The following BTBD9 variants were observed in gnomAD, a reference collection of about 807,000 sequenced individuals.
BTBD9 encodes BTB/POZ domain-containing protein 9.
Under a neutral mutation model 64.3 loss-of-function variants are expected in BTBD9, and 49 were observed. That is an observed-to-expected ratio of 0.76 (90% CI 0.61 to 0.97). The LOEUF is 0.97. Ranked by LOEUF, BTBD9 falls within the 50% of genes least tolerant of loss-of-function variation. The probability of loss-of-function intolerance (pLI) is 0.00; values close to 1 mark genes in which losing one functional copy is unlikely to be tolerated. For synonymous variants in BTBD9, 260 were observed against 274.7 expected (o/e 0.95, Z 0.53); for missense variants, 598 against 762.1 (o/e 0.78, Z 2.53).
chr6:38,350,188 T>C (rs925165907), intron 6 of BTBD9, among the ~76,000 whole-genome samples: 2 of 152,210 alleles, frequency 1.3e-5, no homozygotes, highest in Admixed American at 6.5e-5. Flanking sequence ...GACAGCATAG[T>C]ACTATGACCT....
intron 6 of BTBD9, among the ~76,000 whole-genome samples, chr6:38,412,756 G>C (rs924774357): frequency 6.6e-6 from 1 of 152,110 alleles, no homozygotes; most frequent in Non-Finnish European, 1.5e-5. Context: ...CTATTCAGGA[G>C]GCTGAGGCTG....
chr6:38,541,183 CT>C (rs1325814369), intron 6 of BTBD9, among the ~76,000 whole-genome samples: 1 of 152,006 alleles, frequency 6.6e-6, no homozygotes, highest in Non-Finnish European at 1.5e-5. Context: ...TAGGCCTCCC[CT>C]CATATAAAAA....
rs560333473 is a variant in BTBD9 at position 38,443,683 on chromosome 6, T to G, written c.1155-98590A>C. On this transcript the variant is annotated intron_variant, in intron 6 of 10. Coordinates refer to ENST00000481247, the MANE Select transcript of BTBD9 (RefSeq NM_001099272.2). ...CACTCATTTCCACCTCTTACCCACA[T>G]GCACACATCCAATTAATCGCCAAGT... is the stretch of plus-strand genomic sequence containing the variant. Among the ~76,000 whole-genome samples the G allele has an allele frequency of 1.2e-4, 18 of 152,322 alleles. No homozygotes were observed. The South Asian group carries it at 3.3e-3, about 28-fold the overall frequency.
rs1308157386 is a variant in BTBD9, at chr6:38,175,007, G to C, written c.1817C>G (p.Ser606Cys). Reference sequence around the variant, plus strand: ...CCTTTATTGGTGCTGCCGGTTGGGGGAGCGTGAGTTGGAGCCTGGGCTGGA... The same window carrying C: ...CCTTTATTGGTGCTGCCGGTTGGGGCAGCGTGAGTTGGAGCCTGGGCTGGA... ...LPSSPGSNSR[S>C]PNRQHQ is the part of the protein sequence containing the mutation. The change falls in exon 11 of 11, where the codon TCC becomes TGC. Residue 606 changes from serine to cysteine, a missense_variant. Coordinates refer to ENST00000481247, the MANE Select transcript of BTBD9 (RefSeq NM_001099272.2). The C allele has an allele frequency of 6.2e-7, 1 of 1,613,908 alleles. No individual in the cohort carries two copies. The highest frequency in any genetic ancestry group is 2.2e-5 in the East Asian group (1 of 44,902).
intron 8 of BTBD9, among the ~76,000 whole-genome samples, chr6:38,265,489 A>G (rs1764940544): frequency 6.6e-6 from 1 of 150,666 alleles, no homozygotes; most frequent in Non-Finnish European, 1.5e-5. Context: ...AGACAATACA[A>G]AACTACCAAT....
At chr6:38,587,094 G>A (rs1458022782) in intron 4 of BTBD9, among the ~76,000 whole-genome samples, 1 of 151,790 alleles carries the variant, frequency 6.6e-6, no homozygotes, top group African/African-American at 2.4e-5. Context: ...AATTTACTTA[G>A]AAAATAACCT....
intron 1 of BTBD9, among the ~76,000 whole-genome samples, chr6:38,599,331 G>C (rs1416546072): frequency 6.6e-6 from 1 of 152,128 alleles, no homozygotes; most frequent in African/African-American, 2.4e-5. Flanking sequence ...TGTTGCCCAG[G>C]CTGTAGTGCA....
At chr6:38,176,631 T>C (rs1253518481) in intron 10 of BTBD9, among the ~76,000 whole-genome samples, 1 of 152,170 alleles carries the variant, frequency 6.6e-6, no homozygotes, top group Non-Finnish European at 1.5e-5. Context: ...CTGCAGGGCT[T>C]ACCAGTCAAC....
chr6:38,406,714 T>C (rs779071155), intron 6 of BTBD9, among the ~76,000 whole-genome samples: 2 of 152,132 alleles, frequency 1.3e-5, no homozygotes, highest in African/African-American at 2.4e-5. Context: ...GTGAGGAAGG[T>C]AGGACAAAGT....
chr6:38,581,666 A>G (rs1005872778), intron 4 of BTBD9, among the ~76,000 whole-genome samples: 1 of 152,216 alleles, frequency 6.6e-6, no homozygotes, highest in Non-Finnish European at 1.5e-5. Flanking sequence ...GAGCTTGAAG[A>G]GTCAGAGATT....
rs192833774 is a variant in BTBD9 at position 38,536,662 on chromosome 6, T to A, written c.1154+40938A>T. 2.1e-4 allele frequency among the ~76,000 whole-genome samples: 32 copies of A among 152,236 alleles called. No homozygotes were observed. In the East Asian group the frequency reaches 5.6e-3, roughly 27 times the overall value. ...GCCATAAAAAAAGAATAAGATCCTA[T>A]CATTTGCACAACATGGATGAGGTTA... On this transcript the variant is annotated intron_variant, in intron 6 of 10. Coordinates refer to ENST00000481247, the MANE Select transcript of BTBD9 (RefSeq NM_001099272.2).
rs1777112079 is a variant in BTBD9 at position 38,598,110 on chromosome 6, A to G, written c.-16T>C. 6.2e-7 allele frequency: 1 copy of G among 1,609,504 alleles called. No individual in the cohort carries two copies. The highest frequency in any genetic ancestry group is 1.7e-5 in the Admixed American group (1 of 59,570). On this transcript the variant is annotated 5_prime_UTR_variant, in exon 2 of 11. Coordinates refer to ENST00000481247, the MANE Select transcript of BTBD9 (RefSeq NM_001099272.2). ...TGTTACTCATCTTGTGGAATAGACGATAGTCGTTGTTCTATCATATAAAGA... is the reference window on the plus strand; with the variant it reads ...TGTTACTCATCTTGTGGAATAGACGGTAGTCGTTGTTCTATCATATAAAGA...
intron 1 of BTBD9, among the ~76,000 whole-genome samples, chr6:38,609,429 C>T (rs1001557374): frequency 6.6e-6 from 1 of 152,166 alleles, no homozygotes; most frequent in African/African-American, 2.4e-5. Flanking sequence ...ATAAAACTAT[C>T]AGCCTTTAAT....
Position 38,530,910 on chromosome 6 carries a change from G to C in BTBD9, c.1154+46690C>G, listed in dbSNP as rs182992835. On this transcript the variant is annotated intron_variant, in intron 6 of 10. Transcript: ENST00000481247. Reference sequence around the variant, plus strand: ...AAGAATTAAGTGAGCTTGAAAACTGGCTATTTGAAAGTATACAATCAAAGG... The same window carrying C: ...AAGAATTAAGTGAGCTTGAAAACTGCCTATTTGAAAGTATACAATCAAAGG... Among the ~76,000 whole-genome samples the C allele has an allele frequency of 2.6e-3, 389 of 152,208 alleles. 2 individuals carry two copies. Among genetic ancestry groups the C allele is most frequent in the African/African-American group, 8.9e-3 (370 of 41,524 alleles).
chr6:38,276,996 T>C (rs1399607353), intron 8 of BTBD9, among the ~76,000 whole-genome samples: 1 of 152,202 alleles, frequency 6.6e-6, no homozygotes, highest in African/African-American at 2.4e-5. Context: ...ACAGACTCCA[T>C]GTAAACTGAC....
intron 6 of BTBD9, among the ~76,000 whole-genome samples, chr6:38,497,012 C>T (rs1771991090): frequency 2.0e-5 from 3 of 152,216 alleles, no homozygotes; most frequent in Non-Finnish European, 2.9e-5. Context: ...AAGGTACCAG[C>T]ATGCCCCCTT....
In BTBD9 at chr6:38,428,340, A is replaced by T. The variant is rs151220447; in HGVS notation, c.1155-83247T>A. Among the ~76,000 whole-genome samples the T allele has an allele frequency of 1.4e-3, 167 of 119,434 alleles. 5 individuals carry two copies. Among genetic ancestry groups the T allele is most frequent in the African/African-American group, 4.4e-3 (158 of 35,932 alleles). The allele number at this position is 119,434 out of a possible 152,430, so 78.4% of individuals were successfully genotyped here. On this transcript the variant is annotated intron_variant, in intron 6 of 10. Coordinates refer to ENST00000481247, the MANE Select transcript of BTBD9 (RefSeq NM_001099272.2). ...CACTCCCATCTTTAGGCCCCCAAAA[A>T]CCTTTGTACACAACTCTATGTTAGC...
intron 1 of BTBD9, among the ~76,000 whole-genome samples, chr6:38,615,079 C>T (rs1046799292): frequency 6.6e-6 from 1 of 152,248 alleles, no homozygotes; most frequent in African/African-American, 2.4e-5. Context: ...CTAGCACTGA[C>T]ATGCTCCCTT....
At chr6:38,198,702 G>GT in intron 9 of BTBD9, among the ~76,000 whole-genome samples, 1 of 152,240 alleles carries the variant, frequency 6.6e-6, no homozygotes, top group South Asian at 2.1e-4. Flanking sequence ...GCTAGGGCCA[G>GT]ACTGGCAAGT....
Sources: gnomAD v4.1 joint callset for allele counts (sites outside exome capture counted in the v4.1 genomes callset) on GRCh38, gnomAD v4.1.1 for gene constraint, MANE v1.5 for transcripts, NCBI Gene and HGNC (gene_info 2026-07-23, HGNC 2026-07-21) for gene names.